ARHGEF3: variants seen among roughly 807,000 people sequenced by gnomAD.
ARHGEF3 encodes 59.8 kDA protein.
In ARHGEF3, 28 loss-of-function variants were observed where a neutral mutation model predicts 63.2. The observed-to-expected ratio is 0.44, with a 90% CI of 0.33 to 0.61. The LOEUF (loss-of-function observed/expected upper bound fraction) is 0.61, where lower values mean the gene tolerates loss of function less well. ARHGEF3 is among the 20% of genes least tolerant of loss of function. The pLI is 0.03. For missense variants in ARHGEF3, 533 were observed against 659.3 expected (o/e 0.81, Z 2.10); for synonymous variants, 266 against 254.2 (o/e 1.05, Z -0.44).
At chr3:56,749,077 C>T (rs190769353) in intron 6 of ARHGEF3, among the ~76,000 whole-genome samples, 20 of 152,244 alleles carry the variant, frequency 1.3e-4, no homozygotes, top group African/African-American at 3.6e-4. Flanking sequence ...CCCACTCAGA[C>T]GGACACATCT....
intron 2 of ARHGEF3, among the ~76,000 whole-genome samples, chr3:56,988,413 C>A (rs1701623610): frequency 6.6e-6 from 1 of 152,106 alleles, no homozygotes; most frequent in African/African-American, 2.4e-5. Context: ...TCCCAAAGTG[C>A]TGCGATTACA....
intron 2 of ARHGEF3, among the ~76,000 whole-genome samples, chr3:57,000,122 C>G (rs963445724): frequency 1.2e-4 from 19 of 152,224 alleles, no homozygotes; most frequent in African/African-American, 4.3e-4. Flanking sequence ...AAATGCTTGC[C>G]CGAGTGCCTG....
At chr3:56,954,408 G>A (rs1001906203) in intron 3 of ARHGEF3, among the ~76,000 whole-genome samples, 2 of 152,148 alleles carry the variant, frequency 1.3e-5, no homozygotes, top group Non-Finnish European at 1.5e-5. Flanking sequence ...AACCAGATGG[G>A]AGCAGATGTG....
At position 56,931,575 on chromosome 3, in the gene ARHGEF3, CAAAAAAAAAAAAA is replaced by C. The variant is rs10596928; in HGVS notation, c.129+27235_129+27247del. 5.0e-3 allele frequency among the ~76,000 whole-genome samples: 292 copies of C among 58,952 alleles called. 4 individuals are homozygous for C. Among genetic ancestry groups the C allele is most frequent in the African/African-American group, 0.02 (274 of 13,754 alleles). The allele number at this position is 58,952 out of a possible 152,430, so 38.7% of individuals were successfully genotyped here. A position where few individuals can be genotyped will look rare whatever the true frequency, so the allele number is the denominator to read the frequency against. ...TGGGTGACAGAGTGAGATCCTGTCT[CAAAAAAAAAAAAA>C]AAAAAAAAAAAAAAGCCACATATCT... is the stretch of plus-strand genomic sequence containing the variant. On this transcript the variant is annotated intron_variant, in intron 3 of 12. Transcript: ENST00000338458.
chr3:56,732,024 T>C, intron 9 of ARHGEF3: 1 of 617,214 alleles, frequency 1.6e-6, no homozygotes, highest in Non-Finnish European at 2.8e-6. Flanking sequence ...TATAACAATC[T>C]TATGAAGGAG....
intron 3 of ARHGEF3, among the ~76,000 whole-genome samples, chr3:56,920,928 A>G (rs1036829682): frequency 7.2e-5 from 11 of 151,810 alleles, no homozygotes; most frequent in South Asian, 2.1e-4. Flanking sequence ...GGTGGCGGGC[A>G]CCTGTAGTCC....
At chr3:56,732,195 G>A (rs376367703) in intron 9 of ARHGEF3, 43 bp downstream of exon 9, 42 of 1,608,206 alleles carry the variant, frequency 2.6e-5, no homozygotes, top group Admixed American at 6.7e-5. Context: ...AAACTACCAC[G>A]GCCAAAAACA....
rs987729771 is a variant in ARHGEF3, at chr3:56,915,301, A to C, written c.130-32947T>G. 3.0e-3 allele frequency among the ~76,000 whole-genome samples: 4 copies of C among 1,318 alleles called. 1 individual carries two copies. Among genetic ancestry groups the C allele is most frequent in the Middle Eastern group, 1 (2 of 2 alleles). The allele number at this position is 1,318 out of a possible 152,430, so 0.9% of individuals were successfully genotyped here. A position where few individuals can be genotyped will look rare whatever the true frequency, so the allele number is the denominator to read the frequency against. The stretch of plus-strand genomic sequence containing the variant: ...ACATAGTAAGACCCACGTCTCCACA[A>C]AAAAAAATGAAATAATTAGCAGGGC... On this transcript the variant is annotated intron_variant, in intron 3 of 12. Transcript: ENST00000338458.
At chr3:57,049,191 G>A (rs1704576029) in intron 1 of ARHGEF3, among the ~76,000 whole-genome samples, 1 of 152,150 alleles carries the variant, frequency 6.6e-6, no homozygotes, top group Non-Finnish European at 1.5e-5. Flanking sequence ...GCAACATAGT[G>A]AGACCCCATC....
Position 56,728,086 on chromosome 3 carries a change from A to G in ARHGEF3, c.*1184T>C, listed in dbSNP as rs1321048471. On this transcript the variant is annotated 3_prime_UTR_variant, in exon 10 of 10. Coordinates refer to ENST00000296315, the MANE Select transcript of ARHGEF3 (RefSeq NM_019555.3). ...TTTTAAGGTCTGCACTTTACCCTGC[A>G]CTGTAAATCAAGGCTGGACAAAGAG... 6.6e-6 allele frequency: 1 copy of G among 152,650 alleles called. No individual in the cohort carries two copies. The highest frequency in any genetic ancestry group is 1.9e-4 in the East Asian group (1 of 5,198). The allele number at this position is 152,650 out of a possible 1,614,324, so 9.5% of individuals were successfully genotyped here.
At chr3:56,816,147 G>A (rs1030226918) in intron 4 of ARHGEF3, among the ~76,000 whole-genome samples, 5 of 152,110 alleles carry the variant, frequency 3.3e-5, no homozygotes, top group African/African-American at 4.8e-5. Context: ...CCCAGGAGTT[G>A]GAGGTTACAG....
intron 2 of ARHGEF3, among the ~76,000 whole-genome samples, chr3:56,997,674 CAG>C (rs780611675): frequency 3.3e-5 from 5 of 152,156 alleles, no homozygotes; most frequent in Non-Finnish European, 7.3e-5. Context: ...CCCTGATCAA[CAG>C]AGAGACAGCC....
At chr3:56,877,649 A>C (rs564905801) in intron 4 of ARHGEF3, among the ~76,000 whole-genome samples, 1 of 152,310 alleles carries the variant, frequency 6.6e-6, no homozygotes, top group East Asian at 1.9e-4. Context: ...CTGGGATTAT[A>C]GGCCCACTAT....
At chr3:57,002,506 A>ATATATGTTATATATGTATGT in intron 2 of ARHGEF3, among the ~76,000 whole-genome samples, 1 of 76,394 alleles carries the variant, frequency 1.3e-5, no homozygotes, top group African/African-American at 4.3e-5. Context: ...TGTTATATAT[A>ATATATGTTATATATGTATGT]TATATATGTT....
At chr3:57,002,473 T>A (rs1702245977) in intron 2 of ARHGEF3, among the ~76,000 whole-genome samples, 1 of 11,636 alleles carries the variant, frequency 8.6e-5, no homozygotes, top group Non-Finnish European at 1.8e-4. Flanking sequence ...TATATATATA[T>A]ATATGTTATA....
intron 2 of ARHGEF3, among the ~76,000 whole-genome samples, chr3:56,978,613 G>T (rs1038837366): frequency 3.3e-5 from 5 of 152,230 alleles, no homozygotes; most frequent in African/African-American, 1.2e-4. Flanking sequence ...ATGCAAGAAA[G>T]AATGTGGAGA....
chr3:56,730,802 T>C (rs2033096249), intron 9 of ARHGEF3, among the ~76,000 whole-genome samples: 1 of 152,226 alleles, frequency 6.6e-6, no homozygotes, highest in Non-Finnish European at 1.5e-5. Flanking sequence ...GCCAGTAGAC[T>C]GGGAACCACC....
chr3:57,049,720 A>G (rs1418159990), intron 1 of ARHGEF3, among the ~76,000 whole-genome samples: 1 of 152,208 alleles, frequency 6.6e-6, no homozygotes, highest in African/African-American at 2.4e-5. Context: ...ATCAGAAACT[A>G]TGATGGCTGG....
At chr3:57,062,746 C>T (rs1705301029) in intron 1 of ARHGEF3, among the ~76,000 whole-genome samples, 1 of 152,110 alleles carries the variant, frequency 6.6e-6, no homozygotes, top group Non-Finnish European at 1.5e-5. Flanking sequence ...CACATACATA[C>T]ACATATGTAA....
Sources: allele counts gnomAD v4.1 joint callset (sites outside exome capture counted in the v4.1 genomes callset), GRCh38; gene constraint gnomAD v4.1.1; transcripts MANE v1.5; gene names NCBI Gene and HGNC (gene_info 2026-07-23, HGNC 2026-07-21).